The following MARCHF1 variants were observed in gnomAD, a reference collection of about 807,000 sequenced individuals.
MARCHF1 encodes membrane associated ring-CH-type finger 1.
In MARCHF1, 40 loss-of-function variants were observed where a neutral mutation model predicts 54.2. The ratio of observed to expected loss-of-function variants is 0.74; its 90% CI spans 0.57 to 0.96. MARCHF1 has a LOEUF of 0.96. MARCHF1 is among the 40% of genes least tolerant of loss of function. The pLI is 0.00. For missense variants in MARCHF1, 586 were observed against 656.5 expected, an observed-to-expected ratio of 0.89 and a Z score of 1.17; for synonymous variants, 236 against 236.3, an observed-to-expected ratio of 1.00 and a Z score of 0.01.
At chr4:163,681,367 G>C (rs1235246999) in intron 5 of MARCHF1, among the ~76,000 whole-genome samples, 1 of 152,190 alleles carries the variant, frequency 6.6e-6, no homozygotes, top group African/African-American at 2.4e-5. Flanking sequence ...AGAGTTTTCA[G>C]AACTGGCATG....
chr4:164,140,686 C>T (rs1756510508), intron 1 of MARCHF1, among the ~76,000 whole-genome samples: 1 of 152,114 alleles, frequency 6.6e-6, no homozygotes, highest in Non-Finnish European at 1.5e-5. Flanking sequence ...CTGTCGCCAT[C>T]ATTTCCTTTC....
At chr4:163,820,661 C>A (rs1748667706) in intron 4 of MARCHF1, among the ~76,000 whole-genome samples, 3 of 151,982 alleles carry the variant, frequency 2.0e-5, no homozygotes, top group Non-Finnish European at 2.9e-5. Flanking sequence ...AATAATAACC[C>A]ATTCATCAAA....
chr4:163,992,716 C>T (rs1344591239), intron 2 of MARCHF1, among the ~76,000 whole-genome samples: 1 of 149,102 alleles, frequency 6.7e-6, no homozygotes, highest in Non-Finnish European at 1.5e-5. Context: ...AAAGAAAAAT[C>T]CTATGAGCAA....
chr4:164,313,433 A>C (rs1579712730), intron 1 of MARCHF1, among the ~76,000 whole-genome samples: 1 of 151,422 alleles, frequency 6.6e-6, no homozygotes. Context: ...TTCCATGATG[A>C]CCTCCCAATA....
At chr4:164,105,465 T>C (rs1204109755) in intron 2 of MARCHF1, among the ~76,000 whole-genome samples, 1 of 144,946 alleles carries the variant, frequency 6.9e-6, no homozygotes, top group East Asian at 2.0e-4. Context: ...ACGCTGCATA[T>C]CTACAACTAT....
intron 4 of MARCHF1, among the ~76,000 whole-genome samples, chr4:163,820,500 G>A (rs1370486536): frequency 6.6e-6 from 1 of 151,960 alleles, no homozygotes; most frequent in African/African-American, 2.4e-5. Flanking sequence ...GTACTCATAC[G>A]TATCTTCAAC....
chr4:163,530,623 A>G (rs994000402), intron 9 of MARCHF1: 20 of 151,986 alleles, frequency 1.3e-4, no homozygotes, highest in African/African-American at 4.8e-4. Context: ...ACTGTTGTTG[A>G]TGTTTCATTA....
intron 7 of MARCHF1, among the ~76,000 whole-genome samples, chr4:163,599,942 T>C (rs1740903505): frequency 6.6e-6 from 1 of 152,226 alleles, no homozygotes; most frequent in Non-Finnish European, 1.5e-5. Flanking sequence ...TGAAAGCTAC[T>C]GTATTTTCTA....
rs1561047130 is a variant in MARCHF1 at position 163,733,229 on chromosome 4, ATATATATATATACACGTG to A, written c.112-32384_112-32367del. ...TATATATATATATATATACACGTGT[ATATATATATATACACGTG>A]TATATATATATACACACACACACAC... On this transcript the variant is annotated intron_variant, in intron 4 of 9. Coordinates refer to ENST00000514618, the MANE Select transcript of MARCHF1 (RefSeq NM_001394959.1). Among the ~76,000 whole-genome samples, 22 of 64,718 alleles carry A rather than the reference ATATATATATATACACGTG, an allele frequency of 3.4e-4. 6 individuals carry two copies. The highest frequency in any genetic ancestry group is 4.6e-4 in the African/African-American group (9 of 19,616). The allele number at this position is 64,718 out of a possible 152,430, so 42.5% of individuals were successfully genotyped here.
At chr4:163,919,839 C>G (rs1457765293) in intron 3 of MARCHF1, among the ~76,000 whole-genome samples, 1 of 152,020 alleles carries the variant, frequency 6.6e-6, no homozygotes, top group Non-Finnish European at 1.5e-5. Context: ...TAGCATTTTT[C>G]TATTTTAGTC....
intron 3 of MARCHF1, among the ~76,000 whole-genome samples, chr4:163,938,100 C>T (rs1249156061): frequency 1.3e-5 from 2 of 152,126 alleles, no homozygotes; most frequent in Non-Finnish European, 2.9e-5. Context: ...CTCAGGCCAC[C>T]TGCTTTACAG....
chr4:164,001,583 A>G (rs191269674), intron 2 of MARCHF1, among the ~76,000 whole-genome samples: 7 of 152,050 alleles, frequency 4.6e-5, no homozygotes, highest in East Asian at 3.9e-4. Flanking sequence ...GCACAGACAC[A>G]TGATTCCTGA....
rs1742864715 is a variant in MARCHF1, at chr4:163,648,958, C to T, written c.163-35565G>A. ...CCTTACAGGAGCAAGGAGTTCACTG[C>T]AACCTATTTTCCCAATGTGATAATA... On this transcript the variant is annotated intron_variant, in intron 5 of 9. Transcript: ENST00000514618. Among the ~76,000 whole-genome samples, 3 of 151,318 alleles carry T rather than the reference C, an allele frequency of 2.0e-5. No individual in the cohort carries two copies. In the South Asian group the frequency reaches 6.2e-4, roughly 31 times the overall value.
At position 163,835,438 on chromosome 4, in the gene MARCHF1, G is replaced by C. The variant is rs147928351; in HGVS notation, c.111+18583C>G. ...TGTACAACGTGAACTATAGCAAGTG[G>C]AGGTGTAGACAGACTGTAGCCTAAA... On this transcript the variant is annotated intron_variant, in intron 4 of 9. Transcript: ENST00000514618. Among the ~76,000 whole-genome samples, 340 of 152,292 alleles carry C rather than the reference G, an allele frequency of 2.2e-3. 2 individuals are homozygous for C. Among genetic ancestry groups the C allele is most frequent in the African/African-American group, 7.8e-3 (326 of 41,560 alleles).
chr4:164,380,601 G>A (rs559346713), intron 1 of MARCHF1, among the ~76,000 whole-genome samples: 1 of 152,208 alleles, frequency 6.6e-6, no homozygotes, highest in Non-Finnish European at 1.5e-5. Flanking sequence ...ATATAGCAAA[G>A]GGATAATCGT....
At chr4:164,204,465 A>T (rs941753083) in intron 1 of MARCHF1, among the ~76,000 whole-genome samples, 18 of 152,216 alleles carry the variant, frequency 1.2e-4, no homozygotes, top group African/African-American at 4.1e-4. Flanking sequence ...AAGGGAAAAT[A>T]ATATGAGCTT....
In MARCHF1 at chr4:164,007,154, G is replaced by A. The variant is rs12643510; in HGVS notation, c.-247-18445C>T. 9.2e-4 allele frequency among the ~76,000 whole-genome samples: 138 copies of A among 150,536 alleles called. 3 individuals are homozygous for A. In the East Asian group the frequency reaches 0.025, roughly 28 times the overall value. ...GAGGTCAGGAGATCAAGACAATCCT[G>A]GCTAGCACGGTAAAACCCTGTCTCT... is the stretch of plus-strand genomic sequence containing the variant. On this transcript the variant is annotated intron_variant, in intron 2 of 9. Coordinates refer to ENST00000514618, the MANE Select transcript of MARCHF1 (RefSeq NM_001394959.1).
intron 1 of MARCHF1, among the ~76,000 whole-genome samples, chr4:164,369,693 C>T (rs1561022499): frequency 1.3e-5 from 2 of 151,984 alleles, no homozygotes; most frequent in African/African-American, 4.8e-5. Flanking sequence ...CTATAATGTA[C>T]TTATGTACTA....
intron 1 of MARCHF1, among the ~76,000 whole-genome samples, chr4:164,304,257 A>G (rs948040148): frequency 1.3e-5 from 2 of 152,236 alleles, no homozygotes; most frequent in Admixed American, 6.5e-5. Context: ...AACAAGTTAC[A>G]GGGGAAAAAC....
Sources: allele counts gnomAD v4.1 joint callset (sites outside exome capture counted in the v4.1 genomes callset), GRCh38; gene constraint gnomAD v4.1.1; transcripts MANE v1.5; gene names NCBI Gene and HGNC (gene_info 2026-07-23, HGNC 2026-07-21).